DLG3: variants seen among roughly 807,000 people sequenced by gnomAD.
DLG3 encodes the protein discs large MAGUK scaffold protein 3.
Under a neutral mutation model 64.1 loss-of-function variants are expected in DLG3, and 1 was observed. That is an observed-to-expected ratio of 0.02 (90% confidence interval 0.01 to 0.07). The LOEUF (loss-of-function observed/expected upper bound fraction) is 0.07, where lower values mean the gene tolerates loss of function less well. Ranked by LOEUF, DLG3 falls within the 10% of genes least tolerant of loss-of-function variation. DLG3 has a pLI of 1.00. For missense variants in DLG3, 429 were observed against 669.5 expected, an observed-to-expected ratio of 0.64 and a Z score of 3.96; for synonymous variants, 245 against 259.8, an observed-to-expected ratio of 0.94 and a Z score of 0.55.
At chrX:70,481,708 G>A (rs1320877839) in intron 10 of DLG3, among the ~76,000 whole-genome samples, 1 of 112,022 alleles carries the variant, frequency 8.9e-6, no homozygotes, top group African/African-American at 3.2e-5. Flanking sequence ...CTCTGTCAGG[G>A]ATCAGTGGGT....
At chrX:70,488,057 GCT>G (rs1227799080) in intron 10 of DLG3, among the ~76,000 whole-genome samples, 1 of 108,991 alleles carries the variant, frequency 9.2e-6, no homozygotes, top group Non-Finnish European at 1.9e-5. Flanking sequence ...CTGTCACCAG[GCT>G]GGAGTGCAGT....
At chrX:70,492,369 G>A (rs1161031278) in intron 11 of DLG3, 86 bp downstream of exon 11, 17 of 1,149,452 alleles carry the variant, frequency 1.5e-5, no homozygotes, top group Non-Finnish European at 1.4e-5. Context: ...TTGCTTGAGA[G>A]CAACGTTTGT....
At chrX:70,472,381 C>A (rs191020118) in intron 9 of DLG3, among the ~76,000 whole-genome samples, 2 of 110,118 alleles carry the variant, frequency 1.8e-5, no homozygotes, top group East Asian at 5.8e-4. Flanking sequence ...GGTGAAACCC[C>A]GTCTCTACTA....
chrX:70,450,449 T>C, intron 5 of DLG3, 144 bp downstream of exon 5: 12 of 944,953 alleles, frequency 1.3e-5, no homozygotes, highest in Non-Finnish European at 1.8e-5. Context: ...TTTGCCCAGA[T>C]ACAAAGGCCC....
rs770588314 is a variant in DLG3, at chrX:70,499,892, G to C, written c.1988G>C (p.Arg663Pro). 11 of 1,208,466 alleles carry C rather than the reference G, an allele frequency of 9.1e-6. No homozygotes were observed. Among genetic ancestry groups the C allele is most frequent in the Non-Finnish European group, 1.1e-5 (10 of 893,874 alleles). Residue 663 changes from arginine (R) to proline (P), a missense_variant, in exon 16 of 19, where the codon CGA (arginine) becomes CCA (proline). Around this residue, in one of 9 missense-constraint regions of DLG3, gnomAD observed 46 missense variants for 64.4 expected, o/e 0.71. Coordinates refer to ENST00000374360, the MANE Select transcript of DLG3 (RefSeq NM_021120.4). Reference protein sequence around the residue: ...GSCVPHTTRPRRDNEVDGQDY... With the variant: ...GSCVPHTTRPPRDNEVDGQDY... ...CTTCCTTCAGATACTACCCGGCCTCGACGTGATAATGAGGTGGATGGACAA... is the reference window on the plus strand; with the variant it reads ...CTTCCTTCAGATACTACCCGGCCTCCACGTGATAATGAGGTGGATGGACAA...
At chrX:70,494,801 G>T (rs765078148) in intron 12 of DLG3, among the ~76,000 whole-genome samples, 1 of 112,539 alleles carries the variant, frequency 8.9e-6, no homozygotes, top group Non-Finnish European at 1.9e-5. Flanking sequence ...CATCCCCCAA[G>T]ATCTGTCCAG....
At chrX:70,452,208 G>A in intron 7 of DLG3, 182 bp downstream of exon 7, 1 of 1,084,309 alleles carries the variant, frequency 9.2e-7, no homozygotes, top group Non-Finnish European at 1.2e-6. Context: ...AGGGACAGAA[G>A]TGGCTGCAGG....
At chrX:70,482,664 T>TTTTTG (rs2087180254) in intron 10 of DLG3, among the ~76,000 whole-genome samples, 2 of 74,375 alleles carry the variant, frequency 2.7e-5, no homozygotes, top group South Asian at 7.4e-4. Context: ...TGTGTGGTGT[T>TTTTTG]TTTTTTTTTT....
At chrX:70,482,183 A>G (rs1337348861) in intron 10 of DLG3, among the ~76,000 whole-genome samples, 2 of 112,243 alleles carry the variant, frequency 1.8e-5, no homozygotes, top group Non-Finnish European at 3.8e-5. Flanking sequence ...CTGCTTCCGG[A>G]TATAGTAAAT....
intron 9 of DLG3, chrX:70,455,735 G>A (rs1051385663): frequency 2.7e-5 from 3 of 111,389 alleles, no homozygotes; most frequent in African/African-American, 9.8e-5. Flanking sequence ...GTTTGCAAGG[G>A]ATTCGTACCA....
chrX:70,453,991 C>A (rs752745250), intron 8 of DLG3, among the ~76,000 whole-genome samples, 198 bp downstream of exon 8: 1 of 112,085 alleles, frequency 8.9e-6, no homozygotes, highest in African/African-American at 3.2e-5. Context: ...AAATGAATGC[C>A]TATTGGATCT....
At chrX:70,462,175 A>T (rs2086814763) in intron 9 of DLG3, among the ~76,000 whole-genome samples, 1 of 104,328 alleles carries the variant, frequency 9.6e-6, no homozygotes, top group African/African-American at 3.5e-5. Flanking sequence ...TTTTTCACTT[A>T]GCATAATGTT....
chrX:70,502,231 G>A lies in DLG3; in HGVS notation c.2416G>A (p.Gly806Arg). ...KIKQIIEDQS[G>R]HYIWVPSPEK... is the part of the protein sequence containing the mutation. ...CAAACAAATCATTGAGGACCAGTCT[G>A]GGCACTACATTTGGGTCCCATCCCC... Residue 806 changes from glycine to arginine, a missense_variant, in exon 19 of 19, where the codon GGG becomes AGG. Coordinates refer to ENST00000374360, the MANE Select transcript of DLG3 (RefSeq NM_021120.4). 8.3e-7 allele frequency: 1 copy of A among 1,208,444 alleles called. No individual in the cohort carries two copies. Among genetic ancestry groups the A allele is most frequent in the Non-Finnish European group, 1.1e-6 (1 of 893,323 alleles).
chrX:70,478,804 A>T lies in DLG3; in HGVS notation c.1406-346A>T, dbSNP rs5936560. Among the ~76,000 whole-genome samples, 19,533 of 111,241 alleles carry T rather than the reference A, an allele frequency of 0.18. 1,847 individuals carry two copies. The highest frequency in any genetic ancestry group is 0.29 in the Non-Finnish European group (15,092 of 52,847). ...TCTGCTCTCCTTGGGCCTTAGTGTC[A>T]GCTCTAAAGATTTATAAAGGTTGCA... On this transcript the variant is annotated intron_variant, in intron 9 of 18. Transcript: ENST00000374360.
intron 10 of DLG3, among the ~76,000 whole-genome samples, chrX:70,484,095 G>T (rs776578079): frequency 7.2e-5 from 8 of 111,027 alleles, no homozygotes; most frequent in Non-Finnish European, 1.3e-4. Context: ...TTAATTTATT[G>T]AATGAGTAAA....
rs766867754 is a variant in DLG3, at chrX:70,450,733, C to G, written c.935C>G (p.Pro312Arg). 8.3e-7 allele frequency: 1 copy of G among 1,209,820 alleles called. No homozygotes were observed. The highest frequency in any genetic ancestry group is 1.8e-5 in the African/African-American group (1 of 57,074). ...ATGGTGTATTTGAAGGTGGCCAAGC[C>G]AGGCAGCCTCCACCTCAACGACATG... is the stretch of plus-strand genomic sequence containing the variant. ...SDMVYLKVAK[P>R]GSLHLNDMYA... The change falls in exon 6 of 19, where the codon CCA becomes CGA. Residue 312 changes from proline to arginine, a missense_variant. By Grantham distance (103) the Pro-to-Arg change is moderately radical. This residue lies in a region of DLG3 where 73 missense variants were observed against 158.5 expected (regional missense o/e 0.46). Transcript: ENST00000374360.
At chrX:70,485,698 G>A (rs944269838) in intron 10 of DLG3, among the ~76,000 whole-genome samples, 1 of 111,829 alleles carries the variant, frequency 8.9e-6, no homozygotes, top group African/African-American at 3.2e-5. Context: ...AAGACATCAC[G>A]GTGGCTGTGC....
chrX:70,500,508 T>A lies in DLG3; in HGVS notation c.2183T>A (p.Ile728Asn), dbSNP rs1445666374. 8.3e-7 allele frequency: 1 copy of A among 1,211,308 alleles called. No homozygotes were observed. Among genetic ancestry groups the A allele is most frequent in the South Asian group, 1.8e-5 (1 of 56,974 alleles). ...ATCTTAGATGTTTCCGGCAATGCTA[T>A]CAAGAGACTGCAGCAAGCACAACTT... The part of the protein sequence containing the change: ...HCILDVSGNA[I>N]KRLQQAQLYP... Residue 728 changes from isoleucine to asparagine, a missense_variant, in exon 17 of 19, where the codon ATC (isoleucine) becomes AAC (asparagine). Coordinates refer to ENST00000374360, the MANE Select transcript of DLG3 (RefSeq NM_021120.4).
At chrX:70,498,599 G>T in intron 14 of DLG3, 29 bp downstream of exon 14, 1 of 1,182,200 alleles carries the variant, frequency 8.5e-7, no homozygotes, top group Non-Finnish European at 1.1e-6. Context: ...CCTTGTCTTC[G>T]TGCTGGTCTC....
Sources: gnomAD v4.1 joint callset for allele counts (sites outside exome capture counted in the v4.1 genomes callset) on GRCh38, gnomAD v4.1.1 for gene constraint, gnomAD v4.1.1 regional missense constraint, MANE v1.5 for transcripts, NCBI Gene and HGNC (gene_info 2026-07-23, HGNC 2026-07-21) for gene names.